KANK1: variants seen among roughly 807,000 people sequenced by gnomAD.
KANK1 encodes KN motif and ankyrin repeat domains 1, also known as KN motif and ankyrin repeat domain-containing protein 1.
A neutral mutation model predicts 106.2 loss-of-function variants in KANK1; 109 were observed. That is an observed-to-expected ratio of 1.03 (90% CI 0.88 to 1.20). The LOEUF (loss-of-function observed/expected upper bound fraction) is 1.20, where lower values mean the gene tolerates loss of function less well. Ranked by LOEUF, KANK1 falls within the 50% of genes most tolerant of loss-of-function variation. The pLI, the probability that KANK1 is intolerant of heterozygous loss-of-function variation, is 0.00. For missense variants in KANK1, 2,399 were observed against 1,710.7 expected (o/e 1.40, Z -7.10); for synonymous variants, 873 against 652.2 (o/e 1.34, Z -5.16).
At chr9:593,221 G>C (rs1483363628) in intron 1 of KANK1, among the ~76,000 whole-genome samples, 1 of 151,664 alleles carries the variant, frequency 6.6e-6, no homozygotes, top group African/African-American at 2.4e-5. Flanking sequence ...TTTTTGGTTT[G>C]GAAAATATGG....
At position 740,943 on chromosome 9, in the gene KANK1, G is replaced by C. The variant is rs751708696; in HGVS notation, c.3696+9G>C. ...ATGCCAAAGCTAGTCAGGTTAGTGC[G>C]CCTGGTTCCTGTGCTCAGGAATGCA... On this transcript the variant is annotated intron_variant, in intron 9 of 11. Coordinates refer to ENST00000382297, the MANE Select transcript of KANK1 (RefSeq NM_015158.5). 4 of 1,613,658 alleles carry C rather than the reference G, an allele frequency of 2.5e-6. No homozygotes were observed. In the African/African-American group the frequency reaches 4.0e-5, roughly 16 times the overall value.
chr9:527,294 T>C lies in KANK1; in HGVS notation c.-84+22540T>C, dbSNP rs945452024. Among the ~76,000 whole-genome samples the C allele has an allele frequency of 3.1e-5, 3 of 96,150 alleles. No homozygotes were observed. The East Asian group carries it at 1.5e-3, about 47-fold the overall frequency. The allele number at this position is 96,150 out of a possible 152,430, so 63.1% of individuals were successfully genotyped here. On this transcript the variant is annotated intron_variant, in intron 1 of 11. Transcript: ENST00000382297. ...TTTGGTCTCTGGTTTTTGTGTGTTTTTTGTTTGTTTGTTTGTTTGTTTTTG... is the reference window on the plus strand; with the variant it reads ...TTTGGTCTCTGGTTTTTGTGTGTTTCTTGTTTGTTTGTTTGTTTGTTTTTG...
chr9:744,737 GCCT>G, intron 11 of KANK1, 148 bp downstream of exon 11: 1 of 1,532,290 alleles, frequency 6.5e-7, no homozygotes, highest in Admixed American at 2.0e-5. Context: ...CATCCTTTCC[GCCT>G]CCACCCCGCA....
intron 1 of KANK1, among the ~76,000 whole-genome samples, chr9:561,538 A>T (rs1300141302): frequency 1.3e-5 from 2 of 152,198 alleles, no homozygotes; most frequent in Non-Finnish European, 1.5e-5. Context: ...CTTAGGACAA[A>T]TTCTTAGCAG....
chr9:509,296 C>G (rs1041578594), intron 1 of KANK1, among the ~76,000 whole-genome samples: 1 of 152,166 alleles, frequency 6.6e-6, no homozygotes, highest in African/African-American at 2.4e-5. Context: ...CGGGGTTTCA[C>G]CATGTTGGCC....
intron 1 of KANK1, among the ~76,000 whole-genome samples, chr9:505,511 A>T (rs2132609424): frequency 6.6e-6 from 1 of 152,290 alleles, no homozygotes; most frequent in Admixed American, 6.5e-5. Context: ...TTTGGGCAAC[A>T]CGCAGTGGCG....
intron 2 of KANK1, among the ~76,000 whole-genome samples, chr9:695,611 G>C (rs569953632): frequency 6.0e-5 from 9 of 149,186 alleles, no homozygotes; most frequent in Admixed American, 1.3e-4. Context: ...GACTTCGTGG[G>C]GGGGGGGGCA....
chr9:660,038 A>C, intron 1 of KANK1: 1 of 353,726 alleles, frequency 2.8e-6, no homozygotes, highest in Non-Finnish European at 5.5e-6. Flanking sequence ...GATACAAGTA[A>C]GGGTGATACC....
At chr9:620,366 G>A (rs982265987) in intron 1 of KANK1, among the ~76,000 whole-genome samples, 3 of 151,946 alleles carry the variant, frequency 2.0e-5, no homozygotes, top group Non-Finnish European at 2.9e-5. Flanking sequence ...TAAACAACAC[G>A]TAATTCTTTG....
At chr9:678,209 G>T (rs1195784371) in intron 2 of KANK1, among the ~76,000 whole-genome samples, 1 of 152,090 alleles carries the variant, frequency 6.6e-6, no homozygotes, top group African/African-American at 2.4e-5. Flanking sequence ...AGCTTCTTGA[G>T]ACTTTTATAG....
chr9:706,507 G>A (rs1824198041), intron 2 of KANK1, among the ~76,000 whole-genome samples: 1 of 150,272 alleles, frequency 6.7e-6, no homozygotes, highest in Non-Finnish European at 1.5e-5. Context: ...ATTAACGCTT[G>A]CCACTTGATG....
chr9:530,664 G>A (rs1009903553), intron 1 of KANK1, among the ~76,000 whole-genome samples: 1 of 152,160 alleles, frequency 6.6e-6, no homozygotes, highest in African/African-American at 2.4e-5. Context: ...TATTGTTGAT[G>A]TTAATTGTCA....
chr9:712,226 A>G lies in KANK1; in HGVS notation c.1460A>G (p.Lys487Arg), dbSNP rs114800970. The G allele has an allele frequency of 1.4e-5, 23 of 1,614,190 alleles. No homozygotes were observed. In the African/African-American group the frequency reaches 2.7e-4, roughly 19 times the overall value. Reference protein sequence around the residue: ...RETTHDREMTKLKQELQAAGS... With the variant: ...RETTHDREMTRLKQELQAAGS... ...ACCACCCATGACCGGGAGATGACTAAACTGAAACAAGAGCTGCAGGCTGCT... is the reference window on the plus strand; with the variant it reads ...ACCACCCATGACCGGGAGATGACTAGACTGAAACAAGAGCTGCAGGCTGCT... Residue 487 changes from lysine to arginine, a missense_variant, in exon 3 of 12, where the codon AAA becomes AGA. Transcript: ENST00000382297.
chr9:497,860 CA>C (rs200895496), intron 3 of KANK1, among the ~76,000 whole-genome samples: 3,280 of 142,838 alleles, frequency 0.023, 135 homozygotes, highest in African/African-American at 0.09. Context: ...ATTAACCCCC[CA>C]CACACACACA....
chr9:639,921 A>C (rs10815404), intron 1 of KANK1, among the ~76,000 whole-genome samples: 2 of 152,008 alleles, frequency 1.3e-5, no homozygotes, highest in Admixed American at 6.6e-5. Flanking sequence ...TAAGGGCACT[A>C]ATCCCATTTG....
At chr9:655,578 G>T (rs1287666484) in intron 1 of KANK1, among the ~76,000 whole-genome samples, 1 of 152,182 alleles carries the variant, frequency 6.6e-6, no homozygotes, top group Non-Finnish European at 1.5e-5. Flanking sequence ...GGCCCAAAAT[G>T]CTGCTTTTTT....
chr9:732,132 CA>C, intron 5 of KANK1: 1 of 366,942 alleles, frequency 2.7e-6, no homozygotes, highest in East Asian at 4.5e-5. Context: ...CCGGAGATGC[CA>C]TTATTTTCTT....
At chr9:502,586 T>G (rs1307263288), upstream of KANK1, among the ~76,000 whole-genome samples, 3 of 151,616 alleles carry the variant, frequency 2.0e-5, no homozygotes, top group African/African-American at 7.3e-5. Flanking sequence ...TGCAGTGGCA[T>G]GATCTCGGCT....
At chr9:502,501 G>A (rs1054651511), upstream of KANK1, among the ~76,000 whole-genome samples, 2 of 151,814 alleles carry the variant, frequency 1.3e-5, no homozygotes, top group African/African-American at 2.4e-5. Context: ...GAGAGGTGAA[G>A]GCTGGGAATT....
Sources: gnomAD v4.1 joint callset for allele counts (sites outside exome capture counted in the v4.1 genomes callset) on GRCh38, gnomAD v4.1.1 for gene constraint, MANE v1.5 for transcripts, NCBI Gene and HGNC (gene_info 2026-07-23, HGNC 2026-07-21) for gene names.